The following NRXN1 variants were observed in gnomAD, a reference collection of about 807,000 sequenced individuals.
The protein encoded by NRXN1 is neurexin 1.
Under a neutral mutation model 150.9 loss-of-function variants are expected in NRXN1, and 39 were observed. That is an observed-to-expected ratio of 0.26 (90% CI 0.20 to 0.34). The LOEUF is 0.34. Among genes scored for constraint, NRXN1 ranks in the 10% least tolerant of loss-of-function variants. The pLI is 1.00. For missense variants in NRXN1, 1,815 were observed against 1,949.9 expected, an observed-to-expected ratio of 0.93 and a Z score of 1.30; for synonymous variants, 924 against 757.0, an observed-to-expected ratio of 1.22 and a Z score of -3.62.
intron 21 of NRXN1, among the ~76,000 whole-genome samples, chr2:50,024,789 A>AT (rs965820235): frequency 6.6e-6 from 1 of 151,728 alleles, no homozygotes; most frequent in Non-Finnish European, 1.5e-5. Flanking sequence ...TACTTCTTGA[A>AT]TTTTTTTTAG....
rs57580154 is a variant in NRXN1, at chr2:50,026,859, C to CTTTTTTTTTTTTTTTTTTTTTTTTT, written c.4128+26387_4128+26411dup. Among the ~76,000 whole-genome samples, 8 of 65,240 alleles carry CTTTTTTTTTTTTTTTTTTTTTTTTT rather than the reference C, an allele frequency of 1.2e-4. 3 individuals are homozygous for CTTTTTTTTTTTTTTTTTTTTTTTTT. The highest frequency in any genetic ancestry group is 1.9e-4 in the African/African-American group (3 of 15,540). The allele number at this position is 65,240 out of a possible 152,430, so 42.8% of individuals were successfully genotyped here. ...TTGCATTGTTTAAGTCTTTTCTTTTCTTTTTTTTTTTTTTTTTTTTTTTTT... is the reference window on the plus strand; with the variant it reads ...TTGCATTGTTTAAGTCTTTTCTTTTCTTTTTTTTTTTTTTTTTTTTTTTTTTTTTTTTTTTTTTTTTTTTTTTTTT... On this transcript the variant is annotated intron_variant, in intron 21 of 22. Transcript: ENST00000401669.
chr2:50,771,564 GAAAC>G (rs1341659632), intron 5 of NRXN1, among the ~76,000 whole-genome samples: 2 of 152,022 alleles, frequency 1.3e-5, no homozygotes, highest in African/African-American at 4.8e-5. Context: ...GGACAGGTAA[GAAAC>G]AAGCAAAAAC....
chr2:50,876,154 T>C (rs371572947), intron 5 of NRXN1, among the ~76,000 whole-genome samples: 1 of 151,788 alleles, frequency 6.6e-6, no homozygotes, highest in Non-Finnish European at 1.5e-5. Context: ...ATCTCAAAAT[T>C]CAAACTGTTG....
chr2:50,472,795 T>TGTG (rs147494484), intron 15 of NRXN1, among the ~76,000 whole-genome samples: 5 of 138,644 alleles, frequency 3.6e-5, no homozygotes, highest in South Asian at 2.3e-4. Flanking sequence ...CCCTACAGCC[T>TGTG]TGTGTGTGTG....
chr2:50,527,808 G>C (rs2092996021), intron 12 of NRXN1, among the ~76,000 whole-genome samples: 1 of 152,136 alleles, frequency 6.6e-6, no homozygotes. Context: ...GACAGTGAGA[G>C]ATTAGAAATT....
At chr2:50,828,176 G>A (rs1489290859) in intron 5 of NRXN1, among the ~76,000 whole-genome samples, 1 of 151,008 alleles carries the variant, frequency 6.6e-6, no homozygotes. Flanking sequence ...TTCCCAGTAG[G>A]GGCGGCCGGG....
At chr2:50,689,166 TA>T (rs922434077) in intron 5 of NRXN1, among the ~76,000 whole-genome samples, 1 of 152,054 alleles carries the variant, frequency 6.6e-6, no homozygotes, top group African/African-American at 2.4e-5. Context: ...TTTGTTATAT[TA>T]AAAAAACAAA....
At chr2:50,197,515 A>T (rs1033483875) in intron 18 of NRXN1, among the ~76,000 whole-genome samples, 14 of 152,272 alleles carry the variant, frequency 9.2e-5, no homozygotes, top group Admixed American at 7.9e-4. Context: ...CAGAGATTGA[A>T]GTAACGCATC....
intron 5 of NRXN1, among the ~76,000 whole-genome samples, chr2:50,640,257 A>G (rs1260359475): frequency 6.6e-6 from 1 of 152,140 alleles, no homozygotes; most frequent in Admixed American, 6.6e-5. Context: ...AATGGTAAAA[A>G]CGCAGAGTTT....
intron 15 of NRXN1, among the ~76,000 whole-genome samples, chr2:50,481,859 G>A (rs917276860): frequency 8.8e-6 from 1 of 113,806 alleles, no homozygotes; most frequent in African/African-American, 4.4e-5. Context: ...TCCGCCTCCC[G>A]GGTTCACGCT....
At chr2:50,494,517 T>A (rs866664746) in intron 15 of NRXN1, among the ~76,000 whole-genome samples, 5 of 152,168 alleles carry the variant, frequency 3.3e-5, no homozygotes, top group Non-Finnish European at 7.3e-5. Flanking sequence ...TTGAATTTCA[T>A]TTTATTTTTT....
chr2:50,379,043 G>A (rs137878334), intron 17 of NRXN1, among the ~76,000 whole-genome samples: 1 of 151,924 alleles, frequency 6.6e-6, no homozygotes, highest in African/African-American at 2.4e-5. Context: ...CATGCAGCAG[G>A]CATTCAAAAA....
intron 22 of NRXN1, 134 bp from the exon 23 acceptor site, chr2:49,922,385 G>T: frequency 1.1e-6 from 1 of 927,120 alleles, no homozygotes; most frequent in Non-Finnish European, 1.7e-6. Flanking sequence ...GATAAATGTA[G>T]CCATCCCTTT....
intron 15 of NRXN1, among the ~76,000 whole-genome samples, chr2:50,481,885 C>T (rs1342941174): frequency 1.1e-4 from 15 of 142,270 alleles, no homozygotes; most frequent in Non-Finnish European, 1.5e-5. Flanking sequence ...CCTGCCTCAG[C>T]CTCCCAAGTA....
At chr2:50,113,210 T>G (rs1211196333) in intron 18 of NRXN1, among the ~76,000 whole-genome samples, 1 of 152,204 alleles carries the variant, frequency 6.6e-6, no homozygotes, top group African/African-American at 2.4e-5. Context: ...GTTATATGAA[T>G]CAATGACTAC....
At chr2:50,272,895 A>G (rs1271182835) in intron 17 of NRXN1, among the ~76,000 whole-genome samples, 5 of 152,134 alleles carry the variant, frequency 3.3e-5, no homozygotes, top group Non-Finnish European at 7.4e-5. Flanking sequence ...AATGAAAAAA[A>G]ATGAATTTGT....
At chr2:50,234,806 C>T (rs1037214357) in intron 18 of NRXN1, among the ~76,000 whole-genome samples, 7 of 151,918 alleles carry the variant, frequency 4.6e-5, no homozygotes, top group African/African-American at 1.2e-4. Flanking sequence ...AGACCAAGAT[C>T]GGAGATTCAG....
At chr2:50,418,315 A>G (rs1386769690) in intron 17 of NRXN1, among the ~76,000 whole-genome samples, 1 of 152,000 alleles carries the variant, frequency 6.6e-6, no homozygotes, top group East Asian at 1.9e-4. Context: ...AACAAGTTTC[A>G]CCAAGTATAA....
intron 16 of NRXN1, chr2:50,466,326 A>C (rs1296785501): frequency 5.4e-6 from 2 of 369,244 alleles, no homozygotes; most frequent in Non-Finnish European, 5.4e-6. Context: ...CTTCTTGCAC[A>C]ACGTTCAAGA....
Sources: allele counts gnomAD v4.1 joint callset (sites outside exome capture counted in the v4.1 genomes callset), GRCh38; gene constraint gnomAD v4.1.1; transcripts MANE v1.5; gene names NCBI Gene and HGNC (gene_info 2026-07-23, HGNC 2026-07-21).